Variants in PMFBP1 observed in about 807,000 individuals in gnomAD.
PMFBP1 encodes the protein polyamine-modulated factor 1-binding protein 1.
Under a neutral mutation model 137.8 loss-of-function variants are expected in PMFBP1, and 131 were observed. The ratio of observed to expected loss-of-function variants is 0.95; its 90% confidence interval spans 0.82 to 1.10. PMFBP1 has a LOEUF of 1.10. Ranked by LOEUF, PMFBP1 falls within the 50% of genes least tolerant of loss-of-function variation. PMFBP1 has a pLI of 0.00. For missense variants in PMFBP1, 1,199 were observed against 1,175.4 expected (o/e 1.02, Z -0.29); for synonymous variants, 490 against 450.4 (o/e 1.09, Z -1.11).
At chr16:72,226,407 T>A in the PMFBP1 span, among the ~76,000 whole-genome samples, 1 of 152,184 alleles carries the variant, frequency 6.6e-6, no homozygotes, top group South Asian at 2.1e-4. Flanking sequence ...TGCGTAGGCT[T>A]CCACTGCTTA....
intron 5 of PMFBP1, among the ~76,000 whole-genome samples, chr16:72,143,263 A>C (rs1307674891): frequency 1.3e-5 from 2 of 152,242 alleles, no homozygotes; most frequent in Non-Finnish European, 2.9e-5. Flanking sequence ...AATGAGGAGC[A>C]AGGCAAAGAG....
the PMFBP1 span, among the ~76,000 whole-genome samples, chr16:72,205,216 C>T: frequency 6.6e-6 from 1 of 152,230 alleles, no homozygotes; most frequent in Admixed American, 6.5e-5. Flanking sequence ...ATACTCTTTT[C>T]CCTAATTTCT....
At chr16:72,158,127 A>C (rs1225011941) in intron 3 of PMFBP1, among the ~76,000 whole-genome samples, 2 of 152,198 alleles carry the variant, frequency 1.3e-5, no homozygotes, top group Non-Finnish European at 2.9e-5. Context: ...GTGTCAGTAC[A>C]ATCTGAATGA....
At chr16:72,213,204 G>GGC in the PMFBP1 span, among the ~76,000 whole-genome samples, 3 of 150,812 alleles carry the variant, frequency 2.0e-5, no homozygotes, top group Non-Finnish European at 3.0e-5. Flanking sequence ...GCCCGGGGGG[G>GGC]GGTGGGGAAA....
At position 72,154,429 on chromosome 16, in the gene PMFBP1, C is replaced by T. The variant is rs755294398; in HGVS notation, c.196G>A (p.Glu66Lys). Residue 66 changes from glutamate (E) to lysine (K), a missense_variant, in exon 4 of 21, where the codon GAG becomes AAG. Physicochemically the swap from Glu to Lys is moderately conservative, Grantham distance 56. Transcript: ENST00000237353. ...GACCCAAATTCCACCTCTGACTCCT[C>T]GAATGCTAATGCCTGTGCTTGCTTC... ...DKKQAQALAF[E>K]ESEVEFGSSK... 5 of 1,614,134 alleles carry T rather than the reference C, an allele frequency of 3.1e-6. No homozygotes were observed. The South Asian group carries it at 3.3e-5, about 11-fold the overall frequency.
chr16:72,201,310 T>C, the PMFBP1 span, among the ~76,000 whole-genome samples: 1 of 152,242 alleles, frequency 6.6e-6, no homozygotes, highest in Non-Finnish European at 1.5e-5. Context: ...CTCAGAATAA[T>C]GCATTTTGGA....
upstream of PMFBP1, among the ~76,000 whole-genome samples, chr16:72,176,476 T>C (rs567462260): frequency 6.6e-6 from 1 of 152,362 alleles, no homozygotes; most frequent in South Asian, 2.1e-4. Context: ...GGTATGATTA[T>C]GTGTCTAAGT....
the PMFBP1 span, among the ~76,000 whole-genome samples, chr16:72,187,872 T>TG: frequency 6.6e-6 from 1 of 152,206 alleles, no homozygotes; most frequent in African/African-American, 2.4e-5. Flanking sequence ...ACTAAGAATA[T>TG]GGGCCCAAAT....
chr16:72,175,278 T>C (rs886319858), upstream of PMFBP1, among the ~76,000 whole-genome samples: 9 of 152,214 alleles, frequency 5.9e-5, no homozygotes, highest in Non-Finnish European at 8.8e-5. Context: ...CTATTCCTCC[T>C]CTTTCCTAAC....
intron 5 of PMFBP1, among the ~76,000 whole-genome samples, chr16:72,148,317 C>T (rs2042845384): frequency 8.1e-6 from 1 of 123,492 alleles, no homozygotes; most frequent in African/African-American, 3.1e-5. Context: ...GGGAGTTGAA[C>T]AATGAGAACA....
At chr16:72,231,564 T>G in the PMFBP1 span, among the ~76,000 whole-genome samples, 6 of 152,296 alleles carry the variant, frequency 3.9e-5, no homozygotes, top group African/African-American at 1.4e-4. Context: ...GTGTTTTAGA[T>G]TAGTGATTCT....
At chr16:72,213,850 A>G in the PMFBP1 span, among the ~76,000 whole-genome samples, 3 of 152,238 alleles carry the variant, frequency 2.0e-5, no homozygotes, top group South Asian at 6.2e-4. Context: ...ATGGAAACTT[A>G]CAGAAAATTC....
rs1192436202 is a variant in PMFBP1, at chr16:72,135,228, G to A, written c.1203+1220C>T. ...TTTCGCTCTTGTTGCCCAGGCTGGA[G>A]TGCAGTGGTGCAATCTTGGCTCATT... On this transcript the variant is annotated intron_variant, in intron 9 of 20. Transcript: ENST00000237353. Among the ~76,000 whole-genome samples the A allele has an allele frequency of 2.0e-5, 3 of 152,102 alleles. No individual in the cohort carries two copies. The East Asian group carries it at 5.8e-4, about 29-fold the overall frequency.
chr16:72,178,799 G>C (rs968913549), upstream of PMFBP1, among the ~76,000 whole-genome samples: 1 of 152,104 alleles, frequency 6.6e-6, no homozygotes, highest in South Asian at 2.1e-4. Context: ...TGGAGTCAGG[G>C]CTCACATTTT....
At chr16:72,164,467 G>C (rs764797567) in intron 3 of PMFBP1, 279 of 1,396,786 alleles carry the variant, frequency 2.0e-4, no homozygotes, top group South Asian at 3.4e-4. Context: ...ACTATGATCT[G>C]ATATTTTCAG....
At chr16:72,134,899 G>C (rs536861396) in intron 9 of PMFBP1, among the ~76,000 whole-genome samples, 1 of 152,106 alleles carries the variant, frequency 6.6e-6, no homozygotes, top group African/African-American at 2.4e-5. Context: ...TATTAATTTT[G>C]TTTACCGGCT....
intron 9 of PMFBP1, among the ~76,000 whole-genome samples, chr16:72,133,868 G>A (rs977736347): frequency 2.0e-5 from 3 of 152,054 alleles, no homozygotes; most frequent in Non-Finnish European, 2.9e-5. Flanking sequence ...GCAGGACCCC[G>A]GAAGTATGCA....
chr16:72,130,352 C>T lies in PMFBP1; in HGVS notation c.1643G>A (p.Arg548Gln), dbSNP rs1308314944. 10 of 1,614,048 alleles carry T rather than the reference C, an allele frequency of 6.2e-6. No individual in the cohort carries two copies. The highest frequency in any genetic ancestry group is 3.3e-5 in the South Asian group (3 of 91,086). ...GAGTTCTAATGACAGCTCCTCCACC[C>T]GTTTTCTAAAGCAAAATAACAGCCA... Reference protein sequence around the residue: ...AEKEQTSNRKRVEELSLELSE... With the variant: ...AEKEQTSNRKQVEELSLELSE... Residue 548 changes from arginine to glutamine, a missense_variant, in exon 12 of 21, where the codon CGG becomes CAG. Physicochemically the swap from Arg to Gln is conservative, Grantham distance 43. Coordinates refer to ENST00000237353, the MANE Select transcript of PMFBP1 (RefSeq NM_031293.3).
At chr16:72,248,218 T>C in the PMFBP1 span, among the ~76,000 whole-genome samples, 1 of 152,224 alleles carries the variant, frequency 6.6e-6, no homozygotes, top group Admixed American at 6.5e-5. Context: ...CCAAAGTTGT[T>C]TGGAACAATG....
Sources: gnomAD v4.1 joint callset for allele counts (sites outside exome capture counted in the v4.1 genomes callset) on GRCh38, gnomAD v4.1.1 for gene constraint, MANE v1.5 for transcripts, NCBI Gene and HGNC (gene_info 2026-07-23, HGNC 2026-07-21) for gene names.